Variants in R3HCC1L observed in about 807,000 individuals in gnomAD.
R3HCC1L encodes coiled-coil domain-containing protein R3HCC1L.
A neutral mutation model predicts 59.9 loss-of-function variants in R3HCC1L; 51 were observed. The observed-to-expected ratio is 0.85, with a 90% CI of 0.68 to 1.07. The LOEUF is 1.07. Among genes scored for constraint, R3HCC1L ranks in the 50% least tolerant of loss-of-function variants. The pLI, the probability that R3HCC1L is intolerant of heterozygous loss-of-function variation, is 0.00. For synonymous variants in R3HCC1L, 322 were observed against 315.2 expected, an observed-to-expected ratio of 1.02 and a Z score of -0.23; for missense variants, 965 against 933.0, an observed-to-expected ratio of 1.03 and a Z score of -0.45.
intron 4 of R3HCC1L, among the ~76,000 whole-genome samples, chr10:98,191,111 CAT>C (rs931455697): frequency 5.9e-5 from 9 of 152,170 alleles, no homozygotes; most frequent in African/African-American, 1.2e-4. Flanking sequence ...CCGCATTAAA[CAT>C]ATGTGTGTGT....
At chr10:98,241,816 C>A (rs551531884) in intron 9 of R3HCC1L, among the ~76,000 whole-genome samples, 1 of 152,218 alleles carries the variant, frequency 6.6e-6, no homozygotes, top group East Asian at 1.9e-4. Flanking sequence ...GGCTGTGTAA[C>A]CTTAGGCAAG....
intron 4 of R3HCC1L, among the ~76,000 whole-genome samples, chr10:98,193,592 T>A (rs1312778366): frequency 6.6e-6 from 1 of 152,076 alleles, no homozygotes; most frequent in Admixed American, 6.5e-5. Context: ...AAAACATTGC[T>A]GAAAGAAATT....
intron 2 of R3HCC1L, among the ~76,000 whole-genome samples, chr10:98,158,082 A>G (rs1399460480): frequency 6.6e-6 from 1 of 152,234 alleles, no homozygotes; most frequent in Non-Finnish European, 1.5e-5. Flanking sequence ...AAACTAGAAT[A>G]CGCTGATAAA....
intron 5 of R3HCC1L, among the ~76,000 whole-genome samples, chr10:98,225,500 A>G (rs565641775): frequency 6.6e-6 from 1 of 152,344 alleles, no homozygotes; most frequent in Admixed American, 6.5e-5. Flanking sequence ...TACTGGGGAA[A>G]TGTAAGTTGA....
chr10:98,230,935 G>A (rs1282393907), intron 5 of R3HCC1L: 3 of 278,898 alleles, frequency 1.1e-5, no homozygotes, highest in South Asian at 1.1e-4. Flanking sequence ...CTTAAGGTAG[G>A]TCTCATGCTA....
chr10:98,220,065 C>T (rs2135441110), intron 5 of R3HCC1L, among the ~76,000 whole-genome samples: 1 of 152,132 alleles, frequency 6.6e-6, no homozygotes, highest in East Asian at 1.9e-4. Context: ...TTTCTTTATT[C>T]TGTTTATTTA....
rs551825427 is a variant in R3HCC1L, at chr10:98,141,390, G to C, written c.-268+6684G>C. On this transcript the variant is annotated intron_variant, in intron 1 of 9. Transcript: ENST00000298999. ...CACATTGGATTGGACCTTCCTTAAA[G>C]TTGAGAAAAACTTGATTTTAGGGGT... Among the ~76,000 whole-genome samples the C allele has an allele frequency of 5.3e-5, 8 of 152,274 alleles. No homozygotes were observed. The South Asian group carries it at 1.7e-3, about 32-fold the overall frequency.
At chr10:98,238,643 A>T (rs1857209181) in intron 9 of R3HCC1L, among the ~76,000 whole-genome samples, 1 of 152,130 alleles carries the variant, frequency 6.6e-6, no homozygotes, top group Non-Finnish European at 1.5e-5. Context: ...CTGAAAGAGA[A>T]GGCATCTGAA....
intron 1 of R3HCC1L, among the ~76,000 whole-genome samples, chr10:98,140,270 T>TAA (rs745535883): frequency 1.9e-4 from 29 of 152,334 alleles, no homozygotes; most frequent in Admixed American, 5.9e-4. Context: ...TTCTTGTCTT[T>TAA]AAAATAGGGT....
At chr10:98,167,723 A>G (rs1848098708) in intron 4 of R3HCC1L, among the ~76,000 whole-genome samples, 1 of 152,230 alleles carries the variant, frequency 6.6e-6, no homozygotes, top group Admixed American at 6.5e-5. Context: ...TTGAAATCCT[A>G]TCCAGCACTT....
chr10:98,208,684 G>T lies in R3HCC1L; in HGVS notation c.570G>T (p.Arg190Ser), dbSNP rs143198025. The change falls in exon 5 of 10, where the codon AGG becomes AGT. Residue 190 changes from arginine (R) to serine (S), a missense_variant. Physicochemically the swap from Arg to Ser is moderately radical, Grantham distance 110. Transcript: ENST00000298999. The part of the protein sequence containing the change: ...FQNVEFCDFS[R>S]HEPDGEAFED... ...ATGTGGAATTCTGTGACTTCAGTAG[G>T]CATGAACCTGATGGGGAAGCATTTG... The T allele has an allele frequency of 2.5e-6, 4 of 1,614,098 alleles. No homozygotes were observed. The highest frequency in any genetic ancestry group is 1.6e-4 in the Middle Eastern group (1 of 6,062).
chr10:98,231,568 C>T lies in R3HCC1L; in HGVS notation c.1842C>T (p.Tyr614=), dbSNP rs766929252. 1 of 1,612,908 alleles carries T rather than the reference C, an allele frequency of 6.2e-7. No individual in the cohort carries two copies. Among genetic ancestry groups the T allele is most frequent in the East Asian group, 2.2e-5 (1 of 44,872 alleles). Residue 614 remains tyrosine (Y), a synonymous_variant, in exon 6 of 10, where the codon TAC becomes TAT. Coordinates refer to ENST00000298999, the MANE Select transcript of R3HCC1L (RefSeq NM_001351015.2). ...TCCAGGAACCTAGATCTGATTACTA[C>T]AATCATGAAGTTCCTGATATTGACC... ...ESIQEPRSDY[Y]NHEVPDIDLS... is the part of the protein sequence containing the mutation.
At chr10:98,234,300 C>G (rs889038604) in intron 6 of R3HCC1L, 146 bp from the exon 7 acceptor site, 14 of 695,566 alleles carry the variant, frequency 2.0e-5, no homozygotes, top group Admixed American at 8.2e-5. Context: ...GTCCTCCAAA[C>G]TGTTTTCTGT....
At chr10:98,174,347 TC>T in intron 4 of R3HCC1L, 1 of 362,572 alleles carries the variant, frequency 2.8e-6, no homozygotes, top group East Asian at 1.7e-4. Flanking sequence ...AAAATAAACT[TC>T]CAGGAAGTTA....
At chr10:98,180,024 A>AT (rs776135096) in intron 4 of R3HCC1L, among the ~76,000 whole-genome samples, 37 of 152,102 alleles carry the variant, frequency 2.4e-4, no homozygotes, top group Non-Finnish European at 2.9e-4. Flanking sequence ...GGATTCATTG[A>AT]TTTTTTGAAG....
chr10:98,192,514 A>G (rs1296615572), intron 4 of R3HCC1L, among the ~76,000 whole-genome samples: 1 of 152,196 alleles, frequency 6.6e-6, no homozygotes, highest in Admixed American at 6.5e-5. Flanking sequence ...TGACTATTAT[A>G]AACAATTATA....
chr10:98,163,316 CT>C lies in R3HCC1L; in HGVS notation c.-92del. On this transcript the variant is annotated 5_prime_UTR_variant, in exon 4 of 10. Coordinates refer to ENST00000298999, the MANE Select transcript of R3HCC1L (RefSeq NM_001351015.2). Reference sequence around the variant, plus strand: ...AGGTGAGGCTGCTGTCAGAAAGGAACTTTTACACAGTTTGCCTTCAGAGACA... The same window carrying C: ...AGGTGAGGCTGCTGTCAGAAAGGAACTTTACACAGTTTGCCTTCAGAGACA... 2.0e-6 allele frequency: 2 copies of C among 983,354 alleles called. No individual in the cohort carries two copies. Among genetic ancestry groups the C allele is most frequent in the South Asian group, 3.6e-5 (1 of 27,712 alleles). 60.9% of individuals were successfully genotyped at this position (983,354 alleles called of 1,614,324 possible). A position where few individuals can be genotyped will look rare whatever the true frequency, so the allele number is the denominator to read the frequency against.
chr10:98,154,182 C>CAAAAAA (rs61379048), intron 1 of R3HCC1L, among the ~76,000 whole-genome samples: 24 of 92,834 alleles, frequency 2.6e-4, no homozygotes, highest in Non-Finnish European at 4.2e-4. Flanking sequence ...AGAGAATAAG[C>CAAAAAA]AAAAAAAAAA....
chr10:98,242,706 A>G (rs1857667935), intron 9 of R3HCC1L, among the ~76,000 whole-genome samples: 1 of 152,202 alleles, frequency 6.6e-6, no homozygotes. Context: ...TGGAGTTCTA[A>G]TAATTTACTT....
Sources: gnomAD v4.1 joint callset for allele counts (sites outside exome capture counted in the v4.1 genomes callset) on GRCh38, gnomAD v4.1.1 for gene constraint, MANE v1.5 for transcripts, NCBI Gene and HGNC (gene_info 2026-07-23, HGNC 2026-07-21) for gene names.